RBM33: variants seen among roughly 807,000 people sequenced by gnomAD.
RBM33 encodes RNA binding motif protein 33.
A neutral mutation model predicts 132.6 loss-of-function variants in RBM33; 28 were observed. The observed-to-expected ratio is 0.21, with a 90% CI of 0.16 to 0.29. The LOEUF (loss-of-function observed/expected upper bound fraction) is 0.29. RBM33 is among the 10% of genes least tolerant of loss of function. The probability of loss-of-function intolerance (pLI) is 1.00; values close to 1 mark genes in which losing one functional copy is unlikely to be tolerated. For missense variants in RBM33, 1,291 were observed against 1,518.5 expected (o/e 0.85, Z 2.49); for synonymous variants, 634 against 593.0 (o/e 1.07, Z -1.01).
chr7:155,673,943 T>TTGTTTTTTTTTTG (rs1563138289), intron 3 of RBM33, among the ~76,000 whole-genome samples: 773 of 17,262 alleles, frequency 0.045, 139 homozygotes, highest in African/African-American at 0.18. Flanking sequence ...AGGCTTAGTT[T>TTGTTTTTTTTTTG]TTTTTTTTTT....
rs888874740 is a variant in RBM33 at position 155,644,734 on chromosome 7, C to T, written c.-143C>T. On this transcript the variant is annotated 5_prime_UTR_variant, in exon 1 of 18. Transcript: ENST00000401878. ...CGGAGGCGAAGGGCCAGCTGTGGAC[C>T]GCGAAGCGCCCGGCTTCGCCTCTGC... 3 of 622,334 alleles carry T rather than the reference C, an allele frequency of 4.8e-6. No homozygotes were observed. Among genetic ancestry groups the T allele is most frequent in the African/African-American group, 1.9e-5 (1 of 51,336 alleles). The allele number at this position is 622,334 out of a possible 1,614,324, so 38.6% of individuals were successfully genotyped here.
chr7:155,718,968 C>T (rs61122188), intron 9 of RBM33, among the ~76,000 whole-genome samples: 32,340 of 151,710 alleles, frequency 0.21, 3,759 homozygotes, highest in African/African-American at 0.32. Context: ...CTCTCTCTCT[C>T]ACACACACAC....
chr7:155,750,373 A>C (rs1563175541), intron 14 of RBM33, among the ~76,000 whole-genome samples: 2 of 152,048 alleles, frequency 1.3e-5, no homozygotes, highest in African/African-American at 4.8e-5. Context: ...GTGTAAACTT[A>C]TATAGTCATC....
intron 6 of RBM33, among the ~76,000 whole-genome samples, chr7:155,705,107 G>C (rs1241562352): frequency 6.6e-6 from 1 of 152,142 alleles, no homozygotes; most frequent in African/African-American, 2.4e-5. Flanking sequence ...TGTAAACTTT[G>C]TTACATTGAG....
chr7:155,677,106 A>T (rs1799204519), intron 3 of RBM33, among the ~76,000 whole-genome samples: 1 of 152,140 alleles, frequency 6.6e-6, no homozygotes. Context: ...TGTCTGTGGT[A>T]GGCCTGGCTC....
chr7:155,754,539 G>A (rs1801786080), intron 14 of RBM33, among the ~76,000 whole-genome samples: 1 of 152,188 alleles, frequency 6.6e-6, no homozygotes, highest in African/African-American at 2.4e-5. Context: ...GCTTACTTTA[G>A]TAATCCTTTA....
rs1183189241 is a variant in RBM33, at chr7:155,777,923, A to G, written c.*2882A>G. ...TCATAAGGTAAACCAATAGCTGATTATGTGGAGCCAAGTTACTTCTTTTCT... is the reference window on the plus strand; with the variant it reads ...TCATAAGGTAAACCAATAGCTGATTGTGTGGAGCCAAGTTACTTCTTTTCT... On this transcript the variant is annotated 3_prime_UTR_variant, in exon 18 of 18. Coordinates refer to ENST00000401878, the MANE Select transcript of RBM33 (RefSeq NM_053043.3). 5 of 152,690 alleles carry G rather than the reference A, an allele frequency of 3.3e-5. No individual in the cohort carries two copies. The East Asian group carries it at 9.6e-4, about 29-fold the overall frequency. The allele number at this position is 152,690 out of a possible 1,614,324, so 9.5% of individuals were successfully genotyped here.
chr7:155,645,660 A>G (rs981711436), intron 1 of RBM33, among the ~76,000 whole-genome samples: 6 of 152,252 alleles, frequency 3.9e-5, no homozygotes, highest in African/African-American at 9.6e-5. Context: ...AAAATTACAT[A>G]TCACTGGGGG....
At position 155,739,783 on chromosome 7, in the gene RBM33, G is replaced by T; in HGVS notation, c.1806G>T (p.Pro602=). ...PQPQQPQQQP[P]PQHQPPHQPP... ...CTCAGCAACCTCAGCAACAGCCCCC[G>T]CCACAGCACCAGCCTCCGCACCAGC... Residue 602 remains proline, a synonymous_variant, in exon 12 of 18, where the codon CCG becomes CCT. Coordinates refer to ENST00000401878, the MANE Select transcript of RBM33 (RefSeq NM_053043.3). The T allele has an allele frequency of 6.7e-7, 1 of 1,485,196 alleles. No homozygotes were observed. Among genetic ancestry groups the T allele is most frequent in the Non-Finnish European group, 9.0e-7 (1 of 1,113,156 alleles). 92.0% of individuals were successfully genotyped at this position (1,485,196 alleles called of 1,614,324 possible). A position where few individuals can be genotyped will look rare whatever the true frequency, so the allele number is the denominator to read the frequency against.
intron 14 of RBM33, among the ~76,000 whole-genome samples, chr7:155,758,195 G>A (rs1429120831): frequency 6.6e-6 from 1 of 152,192 alleles, no homozygotes; most frequent in Non-Finnish European, 1.5e-5. Context: ...CCAGTACTAA[G>A]TGAATATATT....
In RBM33 at chr7:155,745,593, G is replaced by T. The variant is rs957344018; in HGVS notation, c.2970G>T (p.Leu990=). 6.3e-7 allele frequency: 1 copy of T among 1,580,298 alleles called. No homozygotes were observed. Among genetic ancestry groups the T allele is most frequent in the Non-Finnish European group, 8.6e-7 (1 of 1,161,364 alleles). The change falls in exon 14 of 18, where the codon CTG becomes CTT. Residue 990 remains leucine, a synonymous_variant. Coordinates refer to ENST00000401878, the MANE Select transcript of RBM33 (RefSeq NM_053043.3). This position sits in a 1 kb window ranked among gnomAD's most constrained non-coding sequence, Gnocchi z 4.1. ...GCTCCAAGGTCAGGGTGATTAAGCT[G>T]TCAGGTGGGGTAAGTTGACAAGTTT... is the stretch of plus-strand genomic sequence containing the variant. The part of the protein sequence containing the change: ...HISSKVRVIK[L]SGGGGESDGF...
chr7:155,737,245 C>CATGT (rs35173349), intron 9 of RBM33, among the ~76,000 whole-genome samples: 21,185 of 149,192 alleles, frequency 0.14, 1,595 homozygotes, highest in East Asian at 0.27. Flanking sequence ...TCTAGGTGCG[C>CATGT]GTGTGTGTGT....
chr7:155,756,738 AC>A (rs1201222145), intron 14 of RBM33, among the ~76,000 whole-genome samples: 1 of 152,028 alleles, frequency 6.6e-6, no homozygotes, highest in Non-Finnish European at 1.5e-5. Context: ...GAATGGTAAA[AC>A]CCCAGGCGAA....
In RBM33 at chr7:155,687,687, C is replaced by G. The variant is rs886817291; in HGVS notation, c.567+6779C>G. On this transcript the variant is annotated intron_variant, in intron 5 of 17. Coordinates refer to ENST00000401878, the MANE Select transcript of RBM33 (RefSeq NM_053043.3). Reference sequence around the variant, plus strand: ...AAGGAAGGGATCCAGTTTCAGCTTTCTACATATGGCTAGCCAGTTTTCCCA... The same window carrying G: ...AAGGAAGGGATCCAGTTTCAGCTTTGTACATATGGCTAGCCAGTTTTCCCA... 4.5e-4 allele frequency among the ~76,000 whole-genome samples: 69 copies of G among 152,206 alleles called. 1 individual carries two copies. Among genetic ancestry groups the G allele is most frequent in the Non-Finnish European group, 5.9e-5 (4 of 68,038 alleles).
At chr7:155,757,818 T>C (rs1474294416) in intron 14 of RBM33, among the ~76,000 whole-genome samples, 1 of 142,848 alleles carries the variant, frequency 7.0e-6, no homozygotes, top group Non-Finnish European at 1.5e-5. Flanking sequence ...AAGCTTCCAA[T>C]CATGGTGGAA....
intron 9 of RBM33, among the ~76,000 whole-genome samples, chr7:155,721,276 C>T (rs1326606774): frequency 1.3e-5 from 2 of 151,968 alleles, no homozygotes; most frequent in Non-Finnish European, 2.9e-5. Context: ...TGCACTTAGC[C>T]ACAGGCCCTG....
intron 3 of RBM33, among the ~76,000 whole-genome samples, chr7:155,677,817 A>G (rs921287313): frequency 5.3e-5 from 8 of 152,346 alleles, no homozygotes; most frequent in Middle Eastern, 3.4e-3. Context: ...TTAAGAATGA[A>G]TATGTGTGAA....
intron 1 of RBM33, among the ~76,000 whole-genome samples, chr7:155,658,875 A>G (rs1321115257): frequency 6.6e-6 from 1 of 152,310 alleles, no homozygotes; most frequent in East Asian, 1.9e-4. Context: ...ATGGGCTGGT[A>G]CAGAGGCTCT....
chr7:155,673,800 A>ACC lies in RBM33; in HGVS notation c.171+888_171+889dup, dbSNP rs1554469987. Among the ~76,000 whole-genome samples, 785 of 141,934 alleles carry ACC rather than the reference A, an allele frequency of 5.5e-3. 10 individuals carry two copies. Among genetic ancestry groups the ACC allele is most frequent in the Non-Finnish European group, 7.8e-3 (519 of 66,386 alleles). The allele number at this position is 141,934 out of a possible 152,430, so 93.1% of individuals were successfully genotyped here. A position where few individuals can be genotyped will look rare whatever the true frequency, so the allele number is the denominator to read the frequency against. ...CACACACACACACACACACACACAC[A>ACC]CCCCTACCAGTATATTTCGGACATT... On this transcript the variant is annotated intron_variant, in intron 3 of 17. Transcript: ENST00000401878.
Sources: allele counts gnomAD v4.1 joint callset (sites outside exome capture counted in the v4.1 genomes callset), GRCh38; gene constraint gnomAD v4.1.1; non-coding constraint Gnocchi (gnomAD v3.1); transcripts MANE v1.5; gene names NCBI Gene and HGNC (gene_info 2026-07-23, HGNC 2026-07-21).